NAA11: variants seen among roughly 807,000 people sequenced by gnomAD.
NAA11 encodes the protein N-alpha-acetyltransferase 11.
NAA11 carries 15 observed loss-of-function variants against 16.1 expected under a neutral mutation model. The observed-to-expected ratio is 0.93, with a 90% CI of 0.62 to 1.44. The LOEUF (loss-of-function observed/expected upper bound fraction) is 1.44, where lower values mean the gene tolerates loss of function less well. Ranked by LOEUF, NAA11 falls within the 40% of genes most tolerant of loss-of-function variation. NAA11 has a pLI of 0.00. For synonymous variants in NAA11, 122 were observed against 112.4 expected (o/e 1.09, Z -0.54); for missense variants, 298 against 291.3 (o/e 1.02, Z -0.17).
chr4:79,188,927 G>A, the NAA11 span, among the ~76,000 whole-genome samples: 5 of 151,644 alleles, frequency 3.3e-5, no homozygotes, highest in East Asian at 9.8e-4. Flanking sequence ...AGTGAGAAGA[G>A]GAAATATAAG....
At chr4:79,193,632 TGTG>T in the NAA11 span, among the ~76,000 whole-genome samples, 1 of 152,194 alleles carries the variant, frequency 6.6e-6, no homozygotes, top group African/African-American at 2.4e-5. Flanking sequence ...ACTGTAGCCT[TGTG>T]GTATAGTTTG....
At chr4:79,316,415 T>C (rs1723929029), downstream of NAA11, among the ~76,000 whole-genome samples, 1 of 152,190 alleles carries the variant, frequency 6.6e-6, no homozygotes, top group South Asian at 2.1e-4. Flanking sequence ...CAGGCAATCA[T>C]TTACCATTAG....
Position 79,244,972 on chromosome 4 carries a change from C to T in NAA11, c.*123-18702G>A, listed in dbSNP as rs189887162. ...GGAGTGCAGTGGCGTGATCTCGGCT[C>T]GCTAAAACCTCCACCTCCCAGCCAC... is the stretch of plus-strand genomic sequence containing the variant. On this transcript the variant is annotated intron_variant and NMD_transcript_variant, in intron 2 of 2. Transcript: ENST00000511542. 3.7e-3 allele frequency: 615 copies of T among 168,346 alleles called. 5 individuals are homozygous for T. The highest frequency in any genetic ancestry group is 0.014 in the African/African-American group (581 of 41,758). The allele number at this position is 168,346 out of a possible 1,614,324, so 10.4% of individuals were successfully genotyped here.
the NAA11 span, among the ~76,000 whole-genome samples, chr4:79,219,607 CTT>C: frequency 1.1e-4 from 17 of 152,110 alleles, no homozygotes; most frequent in East Asian, 2.1e-3. Flanking sequence ...TTTTTCAACT[CTT>C]AAATATAGAA....
chr4:79,307,848 A>G (rs1323730580), intron 1 of NAA11, among the ~76,000 whole-genome samples: 4 of 152,228 alleles, frequency 2.6e-5, no homozygotes, highest in Admixed American at 6.5e-5. Flanking sequence ...TATATTTCTA[A>G]AACATTCAAC....
At chr4:79,250,733 A>G (rs530115140) in intron 2 of NAA11, among the ~76,000 whole-genome samples, 3 of 152,382 alleles carry the variant, frequency 2.0e-5, no homozygotes, top group Non-Finnish European at 4.4e-5. Context: ...TGCATCTGAC[A>G]AAGGTCTAAT....
At chr4:79,232,068 T>C (rs1173616977) in intron 2 of NAA11, among the ~76,000 whole-genome samples, 1 of 151,900 alleles carries the variant, frequency 6.6e-6, no homozygotes, top group East Asian at 1.9e-4. Flanking sequence ...ATCTTTTGGA[T>C]AAATGTTTTT....
At chr4:79,314,641 T>TAAAAAAAAAAAAAAAAAAAAAAGAA (rs1723874896), downstream of NAA11, among the ~76,000 whole-genome samples, 1 of 98,048 alleles carries the variant, frequency 1.0e-5, no homozygotes, top group Non-Finnish European at 1.9e-5. Flanking sequence ...TCCTTAAAAT[T>TAAAAAAAAAAAAAAAAAAAAAAGAA]AAAAAAAAAA....
chr4:79,296,441 TATAGAACATTTATAAA>T (rs1486066708), intron 1 of NAA11, among the ~76,000 whole-genome samples: 1 of 152,180 alleles, frequency 6.6e-6, no homozygotes, highest in Non-Finnish European at 1.5e-5. Flanking sequence ...ATTAGGCACT[TATAGAACATTTATAAA>T]ACAGAGCGCT....
the NAA11 span, among the ~76,000 whole-genome samples, chr4:79,167,270 TAGAGAGAGAGAGAG>T: frequency 1.0e-5 from 1 of 98,472 alleles, no homozygotes; most frequent in African/African-American, 4.0e-5. Flanking sequence ...TATATATATA[TAGAGAGAGAGAGAG>T]AGAGAGAGAG....
the NAA11 span, among the ~76,000 whole-genome samples, chr4:79,195,008 G>T: frequency 6.6e-6 from 1 of 152,004 alleles, no homozygotes; most frequent in African/African-American, 2.4e-5. Context: ...CTTCAAGAGA[G>T]CAGAGAAAAA....
At chr4:79,312,880 G>C (rs1020448471), downstream of NAA11, among the ~76,000 whole-genome samples, 5 of 152,116 alleles carry the variant, frequency 3.3e-5, no homozygotes, top group Admixed American at 2.6e-4. Flanking sequence ...CATGTAAATA[G>C]GAGATTAAGT....
chr4:79,216,582 T>G, the NAA11 span, among the ~76,000 whole-genome samples: 34 of 152,104 alleles, frequency 2.2e-4, no homozygotes, highest in African/African-American at 7.2e-4. Flanking sequence ...TTGGATGTCT[T>G]AGGCTGAATT....
the NAA11 span, among the ~76,000 whole-genome samples, chr4:79,181,227 TAA>T: frequency 1.0e-4 from 13 of 128,906 alleles, no homozygotes; most frequent in Non-Finnish European, 8.4e-5. Context: ...CTTAAAGTAT[TAA>T]AAAAAAAAAA....
chr4:79,302,426 T>C (rs920127543), intron 1 of NAA11, among the ~76,000 whole-genome samples: 1 of 152,184 alleles, frequency 6.6e-6, no homozygotes. Context: ...AAAATGATGG[T>C]AGGACAAAAT....
rs76351780 is a variant in NAA11, at chr4:79,275,086, T to G, written c.*122+18919A>C. ...ATGAATAAAAATTACTCAGAAAAAT[T>G]TTGTTGTTAGATCTGTTAAGTAACC... On this transcript the variant is annotated intron_variant and NMD_transcript_variant, in intron 2 of 2. Coordinates refer to the NAA11 transcript ENST00000511542. Among the ~76,000 whole-genome samples, 409 of 152,030 alleles carry G rather than the reference T, an allele frequency of 2.7e-3. 1 individual carries two copies. The highest frequency in any genetic ancestry group is 9.4e-3 in the African/African-American group (388 of 41,484).
the NAA11 span, among the ~76,000 whole-genome samples, chr4:79,202,916 T>C: frequency 6.6e-6 from 1 of 151,224 alleles, no homozygotes; most frequent in Non-Finnish European, 1.5e-5. Context: ...TGAATTGTTA[T>C]GCATATAGAA....
intron 2 of NAA11, among the ~76,000 whole-genome samples, chr4:79,273,365 C>G (rs532037067): frequency 6.6e-6 from 1 of 152,060 alleles, no homozygotes; most frequent in South Asian, 2.1e-4. Context: ...AAAAATATGT[C>G]TAAATGTATA....
intron 2 of NAA11, among the ~76,000 whole-genome samples, chr4:79,259,877 T>A (rs1261803740): frequency 6.6e-6 from 1 of 152,318 alleles, no homozygotes; most frequent in East Asian, 1.9e-4. Flanking sequence ...TCACATTTCT[T>A]CATTTCAGGT....
Sources: gnomAD v4.1 joint callset for allele counts (sites outside exome capture counted in the v4.1 genomes callset) on GRCh38, gnomAD v4.1.1 for gene constraint, MANE v1.5 for transcripts, NCBI Gene and HGNC (gene_info 2026-07-23, HGNC 2026-07-21) for gene names.